Variants in CRTC3 observed in about 807,000 individuals in gnomAD.
CRTC3 encodes the protein CREB regulated transcription coactivator 3, also known as CREB-regulated transcription coactivator 3.
Under a neutral mutation model 74.5 loss-of-function variants are expected in CRTC3, and 26 were observed. The ratio of observed to expected loss-of-function variants is 0.35; its 90% confidence interval spans 0.26 to 0.48. The LOEUF is 0.48. Ranked by LOEUF, CRTC3 falls within the 20% of genes least tolerant of loss-of-function variation. The pLI is 0.99. For missense variants in CRTC3, 760 were observed against 787.3 expected (o/e 0.97, Z 0.41); for synonymous variants, 377 against 325.8 (o/e 1.16, Z -1.69).
At chr15:90,578,433 G>C (rs1159726102) in intron 2 of CRTC3, among the ~76,000 whole-genome samples, 3 of 151,880 alleles carry the variant, frequency 2.0e-5, no homozygotes, top group African/African-American at 7.3e-5. Flanking sequence ...TGTAATCCCA[G>C]CTACTAACTA....
chr15:90,604,814 G>A (rs1968173042), intron 5 of CRTC3, among the ~76,000 whole-genome samples: 1 of 152,192 alleles, frequency 6.6e-6, no homozygotes, highest in Admixed American at 6.5e-5. Context: ...CTATTATCAT[G>A]ATCACTTTGG....
intron 2 of CRTC3, among the ~76,000 whole-genome samples, chr15:90,557,522 CTT>C (rs1966919386): frequency 6.6e-6 from 1 of 152,186 alleles, no homozygotes; most frequent in African/African-American, 2.4e-5. Context: ...TGGTGCCCCT[CTT>C]TGAGGGGCTC....
intron 2 of CRTC3, among the ~76,000 whole-genome samples, chr15:90,575,192 AAT>A (rs1967374547): frequency 6.6e-6 from 1 of 152,332 alleles, no homozygotes; most frequent in South Asian, 2.1e-4. Flanking sequence ...CTCTGCTAAA[AAT>A]ATAAAAATTA....
Position 90,643,049 on chromosome 15 carries a change from C to G in CRTC3, c.*909C>G, listed in dbSNP as rs948020410. The stretch of plus-strand genomic sequence containing the variant: ...GCAACTGAGCTTCCCCATCCCTCCC[C>G]AGAGCTGTGTCTCTGTGGGCTGGGA... On this transcript the variant is annotated 3_prime_UTR_variant, in exon 15 of 15. Coordinates refer to ENST00000268184, the MANE Select transcript of CRTC3 (RefSeq NM_022769.5). 3.0e-5 allele frequency: 7 copies of G among 232,264 alleles called. No homozygotes were observed. In the Admixed American group the frequency reaches 3.4e-4, roughly 11 times the overall value. The allele number at this position is 232,264 out of a possible 1,614,324, so 14.4% of individuals were successfully genotyped here. A position where few individuals can be genotyped will look rare whatever the true frequency, so the allele number is the denominator to read the frequency against.
intron 9 of CRTC3, among the ~76,000 whole-genome samples, chr15:90,623,132 C>A (rs11630272): frequency 0.62 from 93,569 of 151,810 alleles, 29,334 homozygotes; most frequent in Middle Eastern, 0.71. Flanking sequence ...CTTTACCACT[C>A]CCTGGCCCTC....
In CRTC3 at chr15:90,642,304, T is replaced by G. The variant is rs954105283; in HGVS notation, c.*164T>G. 1 of 627,676 alleles carries G rather than the reference T, an allele frequency of 1.6e-6. No homozygotes were observed. The highest frequency in any genetic ancestry group is 1.8e-5 in the African/African-American group (1 of 54,572). 38.9% of individuals were successfully genotyped at this position (627,676 alleles called of 1,614,324 possible). A position where few individuals can be genotyped will look rare whatever the true frequency, so the allele number is the denominator to read the frequency against. ...AGATCCCATCTCAGACACTGTGGCT[T>G]CCTCCAGATCACACAGCTTTGTACT... On this transcript the variant is annotated 3_prime_UTR_variant, in exon 15 of 15. Coordinates refer to ENST00000268184, the MANE Select transcript of CRTC3 (RefSeq NM_022769.5).
intron 2 of CRTC3, among the ~76,000 whole-genome samples, chr15:90,561,100 C>G (rs897836925): frequency 6.6e-6 from 1 of 152,196 alleles, no homozygotes; most frequent in Non-Finnish European, 1.5e-5. Flanking sequence ...TCTCAGCTCA[C>G]TCATCTGCAA....
At chr15:90,575,662 A>G (rs1004269573) in intron 2 of CRTC3, among the ~76,000 whole-genome samples, 3 of 152,140 alleles carry the variant, frequency 2.0e-5, no homozygotes, top group Non-Finnish European at 4.4e-5. Flanking sequence ...ATTCTCTTTT[A>G]TTAATCTGCG....
At chr15:90,610,849 G>A (rs1050371870) in intron 6 of CRTC3, among the ~76,000 whole-genome samples, 6 of 152,138 alleles carry the variant, frequency 3.9e-5, no homozygotes, top group African/African-American at 1.2e-4. Flanking sequence ...GAACAGTCTA[G>A]AGCTAAGGGG....
chr15:90,562,129 T>C (rs1308227556), intron 2 of CRTC3, among the ~76,000 whole-genome samples: 3 of 152,236 alleles, frequency 2.0e-5, no homozygotes, highest in Non-Finnish European at 2.9e-5. Context: ...CATTTTCTCC[T>C]GTAACCTCTT....
Position 90,641,922 on chromosome 15 carries a change from C to T in CRTC3, c.1652-10C>T. ...ACCGCACTGTTTTCCCCTCTGGCCA[C>T]TCCTTTCAGAAGACTCCAGCACCAG... On this transcript the variant is annotated splice_polypyrimidine_tract_variant and intron_variant, in intron 14 of 14. Transcript: ENST00000268184. 1.9e-6 allele frequency: 3 copies of T among 1,612,652 alleles called. No individual in the cohort carries two copies. The highest frequency in any genetic ancestry group is 2.5e-6 in the Non-Finnish European group (3 of 1,179,610).
chr15:90,641,800 C>T, intron 14 of CRTC3, 132 bp from the exon 15 acceptor site: 2 of 699,888 alleles, frequency 2.9e-6, no homozygotes, highest in Non-Finnish European at 5.0e-6. Flanking sequence ...AGGGCAAGAA[C>T]TGTGGGCCTG....
At chr15:90,552,573 G>A (rs1272739305) in intron 2 of CRTC3, among the ~76,000 whole-genome samples, 1 of 152,120 alleles carries the variant, frequency 6.6e-6, no homozygotes, top group Non-Finnish European at 1.5e-5. Flanking sequence ...GCTGTGGTGT[G>A]ATAAAGATGA....
chr15:90,555,554 G>T (rs1966880965), intron 2 of CRTC3, among the ~76,000 whole-genome samples: 1 of 151,888 alleles, frequency 6.6e-6, no homozygotes, highest in South Asian at 2.1e-4. Context: ...GTCTTGCTCT[G>T]TCACCCAGGC....
chr15:90,601,182 G>A (rs1029845261), intron 3 of CRTC3, among the ~76,000 whole-genome samples: 4 of 152,092 alleles, frequency 2.6e-5, no homozygotes, highest in Non-Finnish European at 5.9e-5. Flanking sequence ...TGAAAACAGC[G>A]CCCCTCTGCT....
chr15:90,635,371 G>A (rs1056365562), intron 11 of CRTC3, among the ~76,000 whole-genome samples: 9 of 152,146 alleles, frequency 5.9e-5, no homozygotes, highest in Non-Finnish European at 1.2e-4. Context: ...CTGGCCAGGC[G>A]TGGTGGCTCA....
Position 90,607,426 on chromosome 15 carries a change from C to T in CRTC3, c.525C>T (p.Pro175=), listed in dbSNP as rs780942538. The T allele has an allele frequency of 6.2e-7, 1 of 1,613,474 alleles. No individual in the cohort carries two copies. Among genetic ancestry groups the T allele is most frequent in the South Asian group, 1.1e-5 (1 of 90,900 alleles). Residue 175 remains proline, a synonymous_variant, in exon 6 of 15, where the codon CCC becomes CCT. Transcript: ENST00000268184. The part of the protein sequence containing the change: ...ALHTSALSTK[P]QDPYGGGGQS... ...ACACGAGTGCTCTGAGTACCAAGCCCCAGGACCCCTATGGAGGAGGGGGCC... is the reference window on the plus strand; with the variant it reads ...ACACGAGTGCTCTGAGTACCAAGCCTCAGGACCCCTATGGAGGAGGGGGCC...
chr15:90,632,766 G>A (rs972962524), intron 11 of CRTC3, among the ~76,000 whole-genome samples: 1 of 152,110 alleles, frequency 6.6e-6, no homozygotes, highest in Non-Finnish European at 1.5e-5. Flanking sequence ...CACGACGCCT[G>A]GCTACTTTTT....
chr15:90,543,010 G>T (rs1054720986), intron 2 of CRTC3, among the ~76,000 whole-genome samples: 1 of 151,888 alleles, frequency 6.6e-6, no homozygotes. Context: ...AATTAAGGTG[G>T]TGTCCACCAG....
Sources: gnomAD v4.1 joint callset for allele counts (sites outside exome capture counted in the v4.1 genomes callset) on GRCh38, gnomAD v4.1.1 for gene constraint, MANE v1.5 for transcripts, NCBI Gene and HGNC (gene_info 2026-07-23, HGNC 2026-07-21) for gene names.